The following GPRIN3 variants were observed in gnomAD, a reference collection of about 807,000 sequenced individuals.
GPRIN3 encodes the protein G protein-regulated inducer of neurite outgrowth 3.
GPRIN3 carries 12 observed loss-of-function variants against 13.7 expected under a neutral mutation model. That is an observed-to-expected ratio of 0.87 (90% CI 0.56 to 1.42). GPRIN3 has a LOEUF of 1.42. Among genes scored for constraint, GPRIN3 ranks in the 40% most tolerant of loss-of-function variants. The probability of loss-of-function intolerance (pLI) is 0.00; values close to 1 mark genes in which losing one functional copy is unlikely to be tolerated. For synonymous variants in GPRIN3, 377 were observed against 372.7 expected, an observed-to-expected ratio of 1.01 and a Z score of -0.13; for missense variants, 1,009 against 958.7, an observed-to-expected ratio of 1.05 and a Z score of -0.69.
At position 89,248,058 on chromosome 4, in the gene GPRIN3, C is replaced by G. The variant is rs763207541; in HGVS notation, c.2053G>C (p.Val685Leu). The change falls in exon 2 of 2, where the codon GTG becomes CTG. Residue 685 changes from valine (V) to leucine (L), a missense_variant. Val to Leu is a conservative substitution (Grantham distance 32). Coordinates refer to ENST00000609438, the MANE Select transcript of GPRIN3 (RefSeq NM_198281.3). ...CAGGTCATTCCCTGCTCATCCCACA[C>G]GACGTCCCTGACACGCTTGGACTGT... ...LKQSKRVRDV[V>L]WDEQGMTWEV... 77 of 1,613,990 alleles carry G rather than the reference C, an allele frequency of 4.8e-5. No homozygotes were observed. Among genetic ancestry groups the G allele is most frequent in the Non-Finnish European group, 5.8e-5 (69 of 1,179,962 alleles).
rs1159648117 is a variant in GPRIN3, at chr4:89,240,730, CAAT to C, written c.*7047_*7049del. ...CCATTAATTGGGGGGGCATCTCATT[CAAT>C]AATAATATTTGTAAAACAGAGCAGT... On this transcript the variant is annotated 3_prime_UTR_variant, in exon 2 of 2. Transcript: ENST00000609438. 6.6e-6 allele frequency: 1 copy of C among 152,004 alleles called. No homozygotes were observed. Among genetic ancestry groups the C allele is most frequent in the Non-Finnish European group, 1.5e-5 (1 of 68,000 alleles). 9.4% of individuals were successfully genotyped at this position (152,004 alleles called of 1,614,324 possible). A position where few individuals can be genotyped will look rare whatever the true frequency, so the allele number is the denominator to read the frequency against.
chr4:89,281,671 T>G (rs1326948507), intron 1 of GPRIN3, among the ~76,000 whole-genome samples: 1 of 152,226 alleles, frequency 6.6e-6, no homozygotes, highest in East Asian at 1.9e-4. Context: ...CTAACCCTGC[T>G]GACACCTTGT....
intron 1 of GPRIN3, among the ~76,000 whole-genome samples, chr4:89,253,293 C>T (rs981666677): frequency 2.0e-5 from 3 of 152,124 alleles, no homozygotes; most frequent in African/African-American, 7.2e-5. Context: ...GTCAAACGTA[C>T]AGGAAAATTT....
At chr4:89,259,523 G>C (rs2149263283) in intron 1 of GPRIN3, among the ~76,000 whole-genome samples, 1 of 152,278 alleles carries the variant, frequency 6.6e-6, no homozygotes. Context: ...TTTTGCATTT[G>C]CATTTTAAAA....
rs2149244059 is a variant in GPRIN3, at chr4:89,237,982, C to T, written c.*9798G>A. 1 of 152,288 alleles carries T rather than the reference C, an allele frequency of 6.6e-6. No homozygotes were observed. The highest frequency in any genetic ancestry group is 2.1e-4 in the South Asian group (1 of 4,828). The allele number at this position is 152,288 out of a possible 1,614,324, so 9.4% of individuals were successfully genotyped here. A position where few individuals can be genotyped will look rare whatever the true frequency, so the allele number is the denominator to read the frequency against. ...CCCTCCTGAGACTTGCAAGATCTAA[C>T]TTCTCCAGGCAAGGCATTTATATCT... On this transcript the variant is annotated 3_prime_UTR_variant, in exon 2 of 2. Coordinates refer to ENST00000609438, the MANE Select transcript of GPRIN3 (RefSeq NM_198281.3).
At chr4:89,271,807 T>C (rs2149272024) in intron 1 of GPRIN3, among the ~76,000 whole-genome samples, 1 of 152,190 alleles carries the variant, frequency 6.6e-6, no homozygotes, top group South Asian at 2.1e-4. Flanking sequence ...GCCAGAATCA[T>C]CAGAACTTGC....
At chr4:89,253,104 G>A (rs147373585) in intron 1 of GPRIN3, among the ~76,000 whole-genome samples, 2 of 150,958 alleles carry the variant, frequency 1.3e-5, no homozygotes, top group African/African-American at 4.9e-5. Flanking sequence ...TCGCACCATT[G>A]TTACTTATAT....
chr4:89,282,399 G>C (rs1406759024), intron 1 of GPRIN3, among the ~76,000 whole-genome samples: 1 of 152,114 alleles, frequency 6.6e-6, no homozygotes, highest in Non-Finnish European at 1.5e-5. Flanking sequence ...TGACCCTCAA[G>C]GGGTTGTAAT....
chr4:89,238,137 A>C lies in GPRIN3; in HGVS notation c.*9643T>G, dbSNP rs1237028326. ...ATTTATACACACACACACACACAGC[A>C]GCTGGAGGGAGAGTATGGCTCTTGG... On this transcript the variant is annotated 3_prime_UTR_variant, in exon 2 of 2. Transcript: ENST00000609438. 4 of 149,728 alleles carry C rather than the reference A, an allele frequency of 2.7e-5. No homozygotes were observed. The highest frequency in any genetic ancestry group is 5.9e-5 in the Non-Finnish European group (4 of 67,582). 9.3% of individuals were successfully genotyped at this position (149,728 alleles called of 1,614,324 possible).
chr4:89,293,466 G>C (rs754750), intron 1 of GPRIN3, among the ~76,000 whole-genome samples: 54,859 of 152,156 alleles, frequency 0.36, 11,753 homozygotes, highest in East Asian at 0.54. Flanking sequence ...AGATCACCTT[G>C]TCCATGGCAG....
intron 1 of GPRIN3, among the ~76,000 whole-genome samples, chr4:89,306,314 A>G (rs1474609950): frequency 6.6e-6 from 1 of 152,220 alleles, no homozygotes; most frequent in Non-Finnish European, 1.5e-5. Context: ...AAATAAGCAC[A>G]TTCGGGCGAA....
At chr4:89,265,726 C>T (rs529575460) in intron 1 of GPRIN3, among the ~76,000 whole-genome samples, 111 of 152,252 alleles carry the variant, frequency 7.3e-4, no homozygotes, top group African/African-American at 2.5e-3. Flanking sequence ...TTCTTCCTTC[C>T]TTCCACCCTT....
At chr4:89,277,483 T>G (rs1324621237) in intron 1 of GPRIN3, among the ~76,000 whole-genome samples, 1 of 152,208 alleles carries the variant, frequency 6.6e-6, no homozygotes, top group Non-Finnish European at 1.5e-5. Context: ...GCTTTGCCCC[T>G]TTTGTCACAG....
At chr4:89,281,608 T>C (rs1032147387) in intron 1 of GPRIN3, among the ~76,000 whole-genome samples, 5 of 152,074 alleles carry the variant, frequency 3.3e-5, no homozygotes, top group Admixed American at 1.3e-4. Context: ...GGGACACAGA[T>C]CCAATCTATA....
At chr4:89,252,692 G>T (rs1723361178) in intron 1 of GPRIN3, among the ~76,000 whole-genome samples, 1 of 152,086 alleles carries the variant, frequency 6.6e-6, no homozygotes, top group Non-Finnish European at 1.5e-5. Flanking sequence ...CTCTAAACAA[G>T]CTCTTCCTTC....
At chr4:89,286,794 G>A (rs1212310922) in intron 1 of GPRIN3, among the ~76,000 whole-genome samples, 1 of 152,072 alleles carries the variant, frequency 6.6e-6, no homozygotes, top group African/African-American at 2.4e-5. Context: ...TTAGAAGGTA[G>A]TACTCCCAAA....
Position 89,236,523 on chromosome 4 carries a change from G to C in GPRIN3, c.*11257C>G, listed in dbSNP as rs1382793428. The C allele has an allele frequency of 6.6e-6, 1 of 152,138 alleles. No individual in the cohort carries two copies. The highest frequency in any genetic ancestry group is 1.5e-5 in the Non-Finnish European group (1 of 68,024). The allele number at this position is 152,138 out of a possible 1,614,324, so 9.4% of individuals were successfully genotyped here. On this transcript the variant is annotated 3_prime_UTR_variant, in exon 2 of 2. Coordinates refer to ENST00000609438, the MANE Select transcript of GPRIN3 (RefSeq NM_198281.3). ...TAAGAGAAGAAAAGAACAATATTTT[G>C]CCTATGCCATTTAATTCCCACAAAT...
intron 1 of GPRIN3, among the ~76,000 whole-genome samples, chr4:89,261,262 G>C (rs56768201): frequency 0.084 from 12,856 of 152,158 alleles, 1,729 homozygotes; most frequent in African/African-American, 0.28. Context: ...GCAGCGCAAT[G>C]CTGGCCTCCG....
At chr4:89,307,298 C>CACACACACACACACA (rs1561242497) in intron 1 of GPRIN3, among the ~76,000 whole-genome samples, 3 of 150,154 alleles carry the variant, frequency 2.0e-5, no homozygotes, top group African/African-American at 7.4e-5. Context: ...CACACACACA[C>CACACACACACACACA]CCCTCATATT....
Sources: allele counts gnomAD v4.1 joint callset (sites outside exome capture counted in the v4.1 genomes callset), GRCh38; gene constraint gnomAD v4.1.1; transcripts MANE v1.5; gene names NCBI Gene and HGNC (gene_info 2026-07-23, HGNC 2026-07-21).